JMJD1C: variants seen among roughly 807,000 people sequenced by gnomAD.
The protein encoded by JMJD1C is jumonji domain-containing protein 1C.
In JMJD1C, 31 loss-of-function variants were observed where a neutral mutation model predicts 245.3. That is an observed-to-expected ratio of 0.13 (90% CI 0.09 to 0.17). The LOEUF is 0.17. Ranked by LOEUF, JMJD1C falls within the 10% of genes least tolerant of loss-of-function variation. The pLI, the probability that JMJD1C is intolerant of heterozygous loss-of-function variation, is 1.00. For missense variants in JMJD1C, 2,691 were observed against 3,000.2 expected, an observed-to-expected ratio of 0.90 and a Z score of 2.41; for synonymous variants, 1,057 against 1,017.4, an observed-to-expected ratio of 1.04 and a Z score of -0.74.
chr10:63,318,715 G>A (rs1940430339), intron 2 of JMJD1C, among the ~76,000 whole-genome samples: 1 of 151,996 alleles, frequency 6.6e-6, no homozygotes, highest in East Asian at 1.9e-4. Flanking sequence ...AATTTGAGAA[G>A]TACTGACCTA....
intron 2 of JMJD1C, among the ~76,000 whole-genome samples, chr10:63,361,560 T>C (rs7910009): frequency 0.021 from 3,265 of 152,102 alleles, 115 homozygotes; most frequent in African/African-American, 0.073. Flanking sequence ...AATAGTTCAA[T>C]TGAAAGCAAT....
intron 21 of JMJD1C, among the ~76,000 whole-genome samples, chr10:63,184,241 T>C (rs892819387): frequency 2.1e-5 from 1 of 47,616 alleles, no homozygotes; most frequent in African/African-American, 6.0e-5. Context: ...GAACAGAAAT[T>C]TTTTTTTTTT....
At chr10:63,257,387 TTTAG>T (rs1169712020) in intron 3 of JMJD1C, among the ~76,000 whole-genome samples, 2 of 152,198 alleles carry the variant, frequency 1.3e-5, no homozygotes, top group Non-Finnish European at 2.9e-5. Flanking sequence ...TAAACCTAGC[TTTAG>T]TTGAATGCCT....
At chr10:63,349,856 GA>G (rs1268126403) in intron 2 of JMJD1C, among the ~76,000 whole-genome samples, 4 of 152,060 alleles carry the variant, frequency 2.6e-5, no homozygotes, top group Non-Finnish European at 5.9e-5. Flanking sequence ...TTCACTAAAA[GA>G]ATAATTGACA....
rs374404040 is a variant in JMJD1C at position 63,392,867 on chromosome 10, A to AACACACACACAAACACACACACACAC, written c.169-12386_169-12385insGTGTGTGTGTGTGTTTGTGTGTGTGT. ...AAAAAGGTGGGCAAAAAAGTACATAAACACACACACACACACACACACACA... is the reference window on the plus strand; with the variant it reads ...AAAAAGGTGGGCAAAAAAGTACATAAACACACACACAAACACACACACACACACACACACACACACACACACACACA... On this transcript the variant is annotated intron_variant, in intron 1 of 25. Transcript: ENST00000399262. Among the ~76,000 whole-genome samples, 7 of 112,282 alleles carry AACACACACACAAACACACACACACAC rather than the reference A, an allele frequency of 6.2e-5. No individual in the cohort carries two copies. The East Asian group carries it at 1.8e-3, about 29-fold the overall frequency. The allele number at this position is 112,282 out of a possible 152,430, so 73.7% of individuals were successfully genotyped here.
intron 2 of JMJD1C, among the ~76,000 whole-genome samples, chr10:63,363,051 G>A (rs781257217): frequency 3.7e-4 from 56 of 151,964 alleles, no homozygotes; most frequent in African/African-American, 1.4e-3. Flanking sequence ...AATAAATGGG[G>A]CTGAAAGAAC....
At chr10:63,396,007 T>C (rs779057958) in intron 1 of JMJD1C, among the ~76,000 whole-genome samples, 4 of 152,160 alleles carry the variant, frequency 2.6e-5, no homozygotes, top group Non-Finnish European at 4.4e-5. Context: ...GTCTTAATCG[T>C]CGAAATGGTT....
chr10:63,298,012 C>T (rs1313523776), intron 2 of JMJD1C, among the ~76,000 whole-genome samples: 1 of 152,244 alleles, frequency 6.6e-6, no homozygotes, highest in East Asian at 1.9e-4. Flanking sequence ...CACGCGGGTG[C>T]TGCAGCGACA....
At chr10:63,301,483 A>G (rs1860068864) in intron 2 of JMJD1C, among the ~76,000 whole-genome samples, 1 of 152,248 alleles carries the variant, frequency 6.6e-6, no homozygotes, top group African/African-American at 2.4e-5. Context: ...ATATTCAAGC[A>G]CACATACATG....
rs7082076 is a variant in JMJD1C at position 63,517,185 on chromosome 10, C to T, written n.113+4553G>A. On this transcript the variant is annotated intron_variant and non_coding_transcript_variant, in intron 1 of 3. Coordinates refer to the JMJD1C transcript ENST00000633035. The stretch of plus-strand genomic sequence containing the variant: ...TTAGCATTCTCATTAATAATTACAG[C>T]GATCAGACATTATCTTTGTACCCTC... 9.2e-5 allele frequency among the ~76,000 whole-genome samples: 14 copies of T among 152,082 alleles called. No homozygotes were observed. The South Asian group carries it at 2.9e-3, about 32-fold the overall frequency.
chr10:63,447,580 C>G (rs577750335), intron 1 of JMJD1C, among the ~76,000 whole-genome samples: 1 of 152,114 alleles, frequency 6.6e-6, no homozygotes, highest in Non-Finnish European at 1.5e-5. Flanking sequence ...TAACATGAAT[C>G]ATAATATTCC....
chr10:63,401,886 A>G (rs1015449705), intron 1 of JMJD1C, among the ~76,000 whole-genome samples: 3 of 152,054 alleles, frequency 2.0e-5, no homozygotes, highest in African/African-American at 7.2e-5. Flanking sequence ...TGTAATCCCA[A>G]CACTTTGGGA....
intron 10 of JMJD1C, chr10:63,204,757 C>T (rs1846402134): frequency 2.0e-6 from 2 of 985,306 alleles, no homozygotes; most frequent in Non-Finnish European, 2.4e-6. Flanking sequence ...CAGTCTCTGG[C>T]TCTAGTTGAG....
intron 1 of JMJD1C, among the ~76,000 whole-genome samples, chr10:63,385,415 C>CAT (rs1947513685): frequency 1.1e-5 from 1 of 93,284 alleles, no homozygotes; most frequent in Admixed American, 1.5e-4. Context: ...CCTGCCCCCG[C>CAT]CTTTTTTTTT....
chr10:63,388,053 A>C (rs980286538), intron 1 of JMJD1C, among the ~76,000 whole-genome samples: 2 of 152,184 alleles, frequency 1.3e-5, no homozygotes, highest in Admixed American at 1.3e-4. Context: ...GAAAACTTGA[A>C]GGGCTAGAAA....
chr10:63,299,519 A>C (rs1268672669), intron 2 of JMJD1C, among the ~76,000 whole-genome samples: 1 of 152,068 alleles, frequency 6.6e-6, no homozygotes, highest in Non-Finnish European at 1.5e-5. Flanking sequence ...TTTCTCAGCA[A>C]GACCATTTAA....
rs1270902993 is a variant in JMJD1C, at chr10:63,176,402, G to A, written c.7296C>T (p.Asn2432=). The A allele has an allele frequency of 8.1e-6, 13 of 1,613,932 alleles. No individual in the cohort carries two copies. In the South Asian group the frequency reaches 1.2e-4, roughly 15 times the overall value. Residue 2432 remains asparagine (N), a synonymous_variant, in exon 24 of 26, where the codon AAC becomes AAT. Transcript: ENST00000399262. The stretch of plus-strand genomic sequence containing the variant: ...CAAGCAGCCTTTGACGGAGCTTTTT[G>A]TTCACATACCAACTTTGGTCACGTA... ...DPIRDQSWYV[N]KKLRQRLLEE... is the part of the protein sequence containing the mutation.
chr10:63,383,201 C>A (rs1179776505), intron 1 of JMJD1C, among the ~76,000 whole-genome samples: 8 of 127,794 alleles, frequency 6.3e-5, no homozygotes, highest in Non-Finnish European at 9.7e-5. Context: ...TACTGCTGCC[C>A]ACTAGGAAGC....
chr10:63,453,694 G>A (rs756680264), intron 1 of JMJD1C, among the ~76,000 whole-genome samples: 3 of 152,148 alleles, frequency 2.0e-5, no homozygotes, highest in Non-Finnish European at 4.4e-5. Flanking sequence ...AAAACGGCAA[G>A]AGACTAGGAA....
Sources: gnomAD v4.1 joint callset for allele counts (sites outside exome capture counted in the v4.1 genomes callset) on GRCh38, gnomAD v4.1.1 for gene constraint, MANE v1.5 for transcripts, NCBI Gene and HGNC (gene_info 2026-07-23, HGNC 2026-07-21) for gene names.